The following TBC1D8 variants were observed in gnomAD, a reference collection of about 807,000 sequenced individuals.
The protein encoded by TBC1D8 is TBC1 domain family member 8, also known as BUB2-like protein 1.
Under a neutral mutation model 118.8 loss-of-function variants are expected in TBC1D8, and 65 were observed. The ratio of observed to expected loss-of-function variants is 0.55; its 90% CI spans 0.45 to 0.67. The LOEUF (loss-of-function observed/expected upper bound fraction) is 0.67. TBC1D8 is among the 30% of genes least tolerant of loss of function. The pLI, the probability that TBC1D8 is intolerant of heterozygous loss-of-function variation, is 0.00. For synonymous variants in TBC1D8, 566 were observed against 595.8 expected (o/e 0.95, Z 0.73); for missense variants, 1,376 against 1,471.2 (o/e 0.94, Z 1.06).
intron 7 of TBC1D8, among the ~76,000 whole-genome samples, 193 bp from the exon 8 acceptor site, chr2:101,037,901 G>A (rs988913568): frequency 1.3e-5 from 2 of 152,152 alleles, no homozygotes; most frequent in African/African-American, 4.8e-5. Flanking sequence ...TGCTCCGGGT[G>A]AGGCTGTCCC....
At position 101,054,089 on chromosome 2, in the gene TBC1D8, C is replaced by A. The variant is rs750137180; in HGVS notation, c.631+19G>T. The A allele has an allele frequency of 1.9e-6, 3 of 1,593,498 alleles. No individual in the cohort carries two copies. The highest frequency in any genetic ancestry group is 1.7e-6 in the Non-Finnish European group (2 of 1,168,224). On this transcript the variant is annotated intron_variant, in intron 4 of 19. Coordinates refer to ENST00000409318, the MANE Select transcript of TBC1D8 (RefSeq NM_001330348.2). ...TGGGGCCAACTTTATCTTGGAAGAG[C>A]CTGCCAGGCCTCACTTACGTTCCTT... is the stretch of plus-strand genomic sequence containing the variant.
chr2:101,105,160 A>G (rs1210756165), intron 1 of TBC1D8, among the ~76,000 whole-genome samples: 1 of 152,214 alleles, frequency 6.6e-6, no homozygotes, highest in Non-Finnish European at 1.5e-5. Context: ...CTTTATTTTA[A>G]AATTTTTGCT....
At chr2:101,041,716 CA>C (rs200116258) in intron 5 of TBC1D8, among the ~76,000 whole-genome samples, 83 of 148,694 alleles carry the variant, frequency 5.6e-4, no homozygotes, top group Non-Finnish European at 1.1e-3. Context: ...AATTAAATCT[CA>C]AAAAAAAAAT....
intron 2 of TBC1D8, among the ~76,000 whole-genome samples, chr2:101,061,819 G>A (rs771370192): frequency 3.3e-5 from 5 of 152,152 alleles, no homozygotes; most frequent in Non-Finnish European, 7.3e-5. Flanking sequence ...GTGTCACAAA[G>A]CCCCTGGCCC....
intron 5 of TBC1D8, among the ~76,000 whole-genome samples, chr2:101,044,228 T>G (rs113504875): frequency 2.0e-4 from 30 of 152,186 alleles, no homozygotes; most frequent in African/African-American, 7.2e-4. Flanking sequence ...TTAGTTTCCT[T>G]CCTCCCTACT....
chr2:101,048,196 C>T (rs866710113), intron 5 of TBC1D8, among the ~76,000 whole-genome samples: 4 of 152,188 alleles, frequency 2.6e-5, no homozygotes, highest in Admixed American at 6.5e-5. Flanking sequence ...TTCGGGGCTT[C>T]CTGCAACTTT....
intron 1 of TBC1D8, among the ~76,000 whole-genome samples, chr2:101,140,551 CCT>C (rs1313449015): frequency 1.3e-5 from 2 of 152,044 alleles, no homozygotes; most frequent in African/African-American, 4.8e-5. Context: ...CCAAGCTCTC[CCT>C]GAGTTTAGAT....
intron 1 of TBC1D8, among the ~76,000 whole-genome samples, chr2:101,121,776 C>A (rs74967697): frequency 6.6e-6 from 1 of 152,224 alleles, no homozygotes; most frequent in South Asian, 2.1e-4. Context: ...ATTATATAAA[C>A]GAAATGCGGC....
chr2:101,063,216 C>A (rs1379071363), intron 2 of TBC1D8, among the ~76,000 whole-genome samples: 1 of 152,176 alleles, frequency 6.6e-6, no homozygotes, highest in Non-Finnish European at 1.5e-5. Flanking sequence ...TATCATCAAG[C>A]TCCAACACAA....
At chr2:101,054,973 C>T (rs371033651) in intron 3 of TBC1D8, among the ~76,000 whole-genome samples, 10 of 152,018 alleles carry the variant, frequency 6.6e-5, no homozygotes, top group Non-Finnish European at 1.5e-4. Context: ...TGAGCCACCA[C>T]GCCCGGCCAC....
At chr2:101,124,444 C>A (rs567244987) in intron 1 of TBC1D8, among the ~76,000 whole-genome samples, 8 of 152,170 alleles carry the variant, frequency 5.3e-5, no homozygotes, top group South Asian at 2.1e-4. Context: ...AAAACTACCA[C>A]ATTTCTAGTC....
chr2:101,118,434 T>G (rs112375036), intron 1 of TBC1D8, among the ~76,000 whole-genome samples: 5 of 151,632 alleles, frequency 3.3e-5, no homozygotes, highest in African/African-American at 9.7e-5. Flanking sequence ...CAGTGGCTCA[T>G]GCCTGTAATC....
intron 18 of TBC1D8, 142 bp from the exon 19 acceptor site, chr2:101,011,168 C>A (rs1679180512): frequency 2.5e-6 from 2 of 810,166 alleles, no homozygotes; most frequent in Non-Finnish European, 3.9e-6. Flanking sequence ...CAAGAGATTC[C>A]CCTGGAGAGC....
At chr2:101,106,677 C>A (rs569453903) in intron 1 of TBC1D8, among the ~76,000 whole-genome samples, 1 of 152,294 alleles carries the variant, frequency 6.6e-6, no homozygotes, top group African/African-American at 2.4e-5. Flanking sequence ...AACACACATT[C>A]GGTAGAAACC....
chr2:101,090,135 G>A, intron 2 of TBC1D8, 74 bp downstream of exon 2: 1 of 1,504,122 alleles, frequency 6.6e-7, no homozygotes, highest in Non-Finnish European at 9.0e-7. Context: ...TTACCTTCAA[G>A]CTTCACCAAC....
intron 2 of TBC1D8, among the ~76,000 whole-genome samples, chr2:101,062,117 A>T (rs1442737660): frequency 6.6e-6 from 1 of 152,206 alleles, no homozygotes; most frequent in Non-Finnish European, 1.5e-5. Flanking sequence ...ACCCTCGTCT[A>T]AATCCAGTGG....
intron 2 of TBC1D8, among the ~76,000 whole-genome samples, chr2:101,078,828 G>A (rs1330883892): frequency 1.3e-5 from 2 of 149,774 alleles, no homozygotes; most frequent in Non-Finnish European, 3.0e-5. Flanking sequence ...AATCAGAAGT[G>A]AAAATGTGGG....
At chr2:101,026,829 C>T (rs1680366600) in intron 15 of TBC1D8, among the ~76,000 whole-genome samples, 1 of 152,128 alleles carries the variant, frequency 6.6e-6, no homozygotes, top group Admixed American at 6.5e-5. Flanking sequence ...ATCTCATTAA[C>T]TATATTAAGT....
chr2:101,017,743 G>A, intron 17 of TBC1D8: 1 of 1,133,986 alleles, frequency 8.8e-7, no homozygotes, highest in South Asian at 1.5e-5. Flanking sequence ...GGCAAGATAG[G>A]GTCAAGTGAC....
Sources: allele counts gnomAD v4.1 joint callset (sites outside exome capture counted in the v4.1 genomes callset), GRCh38; gene constraint gnomAD v4.1.1; transcripts MANE v1.5; gene names NCBI Gene and HGNC (gene_info 2026-07-23, HGNC 2026-07-21).